OSBP2: variants seen among roughly 807,000 people sequenced by gnomAD.
The protein encoded by OSBP2 is oxysterol binding protein 2.
A neutral mutation model predicts 96.0 loss-of-function variants in OSBP2; 66 were observed. That is an observed-to-expected ratio of 0.69 (90% CI 0.56 to 0.84). The LOEUF is 0.84. OSBP2 is among the 40% of genes least tolerant of loss of function. OSBP2 has a pLI of 0.00. For synonymous variants in OSBP2, 525 were observed against 520.9 expected (o/e 1.01, Z -0.11); for missense variants, 1,038 against 1,222.7 (o/e 0.85, Z 2.25).
chr22:30,753,165 G>A (rs1024664725), intron 2 of OSBP2, among the ~76,000 whole-genome samples: 1 of 152,180 alleles, frequency 6.6e-6, no homozygotes, highest in African/African-American at 2.4e-5. Flanking sequence ...TGAGAACCAA[G>A]ACCCTCTGTG....
At chr22:30,879,959 C>T (rs1038809059) in intron 3 of OSBP2, among the ~76,000 whole-genome samples, 2 of 151,888 alleles carry the variant, frequency 1.3e-5, no homozygotes, top group African/African-American at 4.8e-5. Context: ...GGCTGAGGCA[C>T]GAGAATCGCT....
At chr22:30,785,440 G>A (rs570812050) in intron 2 of OSBP2, among the ~76,000 whole-genome samples, 1 of 152,062 alleles carries the variant, frequency 6.6e-6, no homozygotes, top group South Asian at 2.1e-4. Flanking sequence ...GGTGGCTGGT[G>A]CTTGTAATCC....
At chr22:30,902,305 T>C in intron 12 of OSBP2, 1 of 1,582,136 alleles carries the variant, frequency 6.3e-7, no homozygotes, top group South Asian at 1.1e-5. Context: ...GCATAAGGAG[T>C]GTACGGGTAG....
At chr22:30,790,712 T>C (rs1198652063) in intron 2 of OSBP2, among the ~76,000 whole-genome samples, 1 of 151,588 alleles carries the variant, frequency 6.6e-6, no homozygotes, top group African/African-American at 2.4e-5. Flanking sequence ...TTTTTTGATA[T>C]GTGGTAATTT....
chr22:30,883,718 T>A (rs1026663693), intron 3 of OSBP2, among the ~76,000 whole-genome samples: 2 of 152,158 alleles, frequency 1.3e-5, no homozygotes, highest in African/African-American at 2.4e-5. Flanking sequence ...AGTCTCTGTC[T>A]ACCCAACTCA....
intron 12 of OSBP2, among the ~76,000 whole-genome samples, chr22:30,905,256 C>T (rs548519990): frequency 6.7e-6 from 1 of 149,880 alleles, no homozygotes; most frequent in Non-Finnish European, 1.5e-5. Flanking sequence ...AAGCAATTCT[C>T]CCACCTCAGC....
chr22:30,768,675 A>G (rs955919220), intron 2 of OSBP2, among the ~76,000 whole-genome samples: 1 of 151,122 alleles, frequency 6.6e-6, no homozygotes, highest in Non-Finnish European at 1.5e-5. Context: ...GAGAAACTCC[A>G]TCTCAAAAAA....
intron 2 of OSBP2, among the ~76,000 whole-genome samples, chr22:30,748,867 G>A (rs952458017): frequency 6.6e-6 from 1 of 152,214 alleles, no homozygotes; most frequent in Admixed American, 6.5e-5. Context: ...TGTAATCCCA[G>A]CACTTTGGGA....
intron 2 of OSBP2, among the ~76,000 whole-genome samples, chr22:30,831,540 C>G (rs1373841900): frequency 6.6e-6 from 1 of 152,154 alleles, no homozygotes. Flanking sequence ...GAACTGTCAT[C>G]CCCTAGCAAA....
At chr22:30,861,133 G>T (rs1294206678) in intron 2 of OSBP2, among the ~76,000 whole-genome samples, 1 of 152,190 alleles carries the variant, frequency 6.6e-6, no homozygotes, top group East Asian at 1.9e-4. Context: ...GATCTCTCTA[G>T]CCGGCCCGGG....
At chr22:30,765,746 T>C (rs1006838832) in intron 2 of OSBP2, among the ~76,000 whole-genome samples, 4 of 152,162 alleles carry the variant, frequency 2.6e-5, no homozygotes, top group African/African-American at 9.7e-5. Context: ...TAGGGCCTTA[T>C]TGTTCATCAA....
chr22:30,894,083 G>C (rs1423952322), intron 12 of OSBP2, 82 bp downstream of exon 12: 33 of 1,262,776 alleles, frequency 2.6e-5, no homozygotes, highest in Non-Finnish European at 3.3e-5. Flanking sequence ...GACAGGCACA[G>C]GAGGTCGGGA....
chr22:30,872,176 A>G (rs2039472395), intron 3 of OSBP2: 1 of 453,486 alleles, frequency 2.2e-6, no homozygotes, highest in East Asian at 7.0e-5. Flanking sequence ...CTGTTTTCCT[A>G]CATCCACCCT....
At chr22:30,763,380 C>T (rs946257048) in intron 2 of OSBP2, among the ~76,000 whole-genome samples, 22 of 152,196 alleles carry the variant, frequency 1.4e-4, no homozygotes, top group Non-Finnish European at 1.5e-5. Flanking sequence ...GGTGCAGTGG[C>T]TTACGCCTGT....
intron 2 of OSBP2, among the ~76,000 whole-genome samples, chr22:30,784,762 G>A (rs2090564126): frequency 6.6e-6 from 1 of 150,836 alleles, no homozygotes; most frequent in African/African-American, 2.5e-5. Context: ...ACAGCTGGTA[G>A]AATAAATCCT....
intron 3 of OSBP2, among the ~76,000 whole-genome samples, chr22:30,876,792 A>AG (rs1443452967): frequency 2.6e-5 from 4 of 152,316 alleles, no homozygotes; most frequent in South Asian, 2.1e-4. Context: ...GCTTACGCAT[A>AG]GGGAGACCAA....
intron 12 of OSBP2, among the ~76,000 whole-genome samples, chr22:30,894,819 A>G (rs1257082617): frequency 6.6e-6 from 1 of 152,188 alleles, no homozygotes; most frequent in East Asian, 1.9e-4. Context: ...AGACAGTCAA[A>G]TGATATCTTC....
chr22:30,894,138 C>G, intron 12 of OSBP2, 137 bp downstream of exon 12: 1 of 671,608 alleles, frequency 1.5e-6, no homozygotes, highest in East Asian at 2.7e-5. Flanking sequence ...ATGCAGCCGA[C>G]ATCCCAGTGT....
At chr22:30,874,865 G>C (rs1166821262) in intron 3 of OSBP2, among the ~76,000 whole-genome samples, 1 of 152,126 alleles carries the variant, frequency 6.6e-6, no homozygotes, top group African/African-American at 2.4e-5. Context: ...GGCCTCTCTT[G>C]GGCAGCCGTC....
Sources: allele counts gnomAD v4.1 joint callset (sites outside exome capture counted in the v4.1 genomes callset), GRCh38; gene constraint gnomAD v4.1.1; transcripts MANE v1.5; gene names NCBI Gene and HGNC (gene_info 2026-07-23, HGNC 2026-07-21).